Variants in NCOA1 observed in about 807,000 individuals in gnomAD.
The protein encoded by NCOA1 is Hin-2 protein.
Under a neutral mutation model 150.9 loss-of-function variants are expected in NCOA1, and 35 were observed. The ratio of observed to expected loss-of-function variants is 0.23; its 90% CI spans 0.18 to 0.31. The LOEUF is 0.31. NCOA1 is among the 10% of genes least tolerant of loss of function. The pLI, the probability that NCOA1 is intolerant of heterozygous loss-of-function variation, is 1.00. For synonymous variants in NCOA1, 590 were observed against 630.0 expected, an observed-to-expected ratio of 0.94 and a Z score of 0.95; for missense variants, 1,491 against 1,749.3, an observed-to-expected ratio of 0.85 and a Z score of 2.63.
chr2:24,529,495 T>G (rs145433422), intron 1 of NCOA1, among the ~76,000 whole-genome samples: 152 of 152,246 alleles, frequency 1.0e-3, no homozygotes, highest in African/African-American at 3.5e-3. Flanking sequence ...ACTTGGCTAA[T>G]TATTTATTGA....
intron 6 of NCOA1, among the ~76,000 whole-genome samples, chr2:24,666,911 C>G (rs1572564568): frequency 6.6e-6 from 1 of 152,240 alleles, no homozygotes; most frequent in East Asian, 1.9e-4. Flanking sequence ...CATCAAACTC[C>G]TTGGTTGCCT....
At chr2:24,615,419 G>C (rs2148395661) in intron 3 of NCOA1, among the ~76,000 whole-genome samples, 1 of 152,266 alleles carries the variant, frequency 6.6e-6, no homozygotes, top group East Asian at 1.9e-4. Flanking sequence ...ACATAAAATA[G>C]AACCTGTAAT....
At chr2:24,537,181 A>G (rs1401718673) in intron 1 of NCOA1, among the ~76,000 whole-genome samples, 1 of 152,056 alleles carries the variant, frequency 6.6e-6, no homozygotes, top group Non-Finnish European at 1.5e-5. Context: ...AATAGTCAAG[A>G]TACAGAAACA....
At chr2:24,694,300 G>A (rs1317942668) in intron 10 of NCOA1, among the ~76,000 whole-genome samples, 2 of 151,914 alleles carry the variant, frequency 1.3e-5, no homozygotes, top group Non-Finnish European at 2.9e-5. Context: ...ATGCTTTTAC[G>A]ACAACCAGAG....
At chr2:24,552,993 A>G (rs1488527607) in intron 1 of NCOA1, among the ~76,000 whole-genome samples, 1 of 152,174 alleles carries the variant, frequency 6.6e-6, no homozygotes, top group Non-Finnish European at 1.5e-5. Flanking sequence ...TCCTTCTTGC[A>G]TCACTGTACT....
At chr2:24,584,895 C>CT (rs1339627224) in intron 3 of NCOA1, among the ~76,000 whole-genome samples, 1 of 152,198 alleles carries the variant, frequency 6.6e-6, no homozygotes, top group East Asian at 1.9e-4. Flanking sequence ...TATTACAACT[C>CT]TATGAATTAG....
intron 3 of NCOA1, among the ~76,000 whole-genome samples, chr2:24,624,877 G>A (rs1669337098): frequency 6.6e-6 from 1 of 152,136 alleles, no homozygotes; most frequent in African/African-American, 2.4e-5. Context: ...TATGTGTAGA[G>A]AAGGGTTTGA....
intron 11 of NCOA1, among the ~76,000 whole-genome samples, chr2:24,698,216 G>GA (rs5829930): frequency 0.23 from 35,457 of 151,740 alleles, 4,288 homozygotes; most frequent in Non-Finnish European, 0.27. Flanking sequence ...AACCAAAGAA[G>GA]AAAAAAATTA....
intron 20 of NCOA1, among the ~76,000 whole-genome samples, chr2:24,756,517 A>G (rs912168277): frequency 1.3e-5 from 2 of 152,224 alleles, no homozygotes; most frequent in Non-Finnish European, 2.9e-5. Flanking sequence ...TCTACTGGAA[A>G]CTGTAAATGT....
At chr2:24,498,555 G>A (rs1351459671) in intron 1 of NCOA1, among the ~76,000 whole-genome samples, 1 of 152,142 alleles carries the variant, frequency 6.6e-6, no homozygotes, top group Non-Finnish European at 1.5e-5. Context: ...AAGCATTGAG[G>A]GCAGGGGATG....
intron 1 of NCOA1, among the ~76,000 whole-genome samples, chr2:24,528,160 C>G (rs1664727475): frequency 6.6e-6 from 1 of 151,936 alleles, no homozygotes; most frequent in African/African-American, 2.4e-5. Context: ...TGTGCAGGAG[C>G]TTTTTAGTTT....
chr2:24,613,978 C>T (rs1668752247), intron 3 of NCOA1, among the ~76,000 whole-genome samples: 1 of 151,994 alleles, frequency 6.6e-6, no homozygotes, highest in African/African-American at 2.4e-5. Context: ...TTGATGTTTG[C>T]CTTTGAAGGT....
rs141659423 is a variant in NCOA1, at chr2:24,767,728, C to G, written c.4156-493C>G. ...ACTAAAAAATCTTTTGGACATTAAC[C>G]TTAGATGCTGATGTCCTCTTATTGA... is the stretch of plus-strand genomic sequence containing the variant. On this transcript the variant is annotated intron_variant, in intron 22 of 22. Transcript: ENST00000348332. The G allele has an allele frequency of 3.7e-3, 745 of 200,974 alleles. 4 individuals are homozygous for G. Among genetic ancestry groups the G allele is most frequent in the African/African-American group, 0.016 (686 of 43,464 alleles). 12.4% of individuals were successfully genotyped at this position (200,974 alleles called of 1,614,324 possible).
chr2:24,728,000 T>C (rs1447105034), intron 15 of NCOA1, among the ~76,000 whole-genome samples: 1 of 152,278 alleles, frequency 6.6e-6, no homozygotes, highest in Admixed American at 6.5e-5. Flanking sequence ...ATTTTGTTTT[T>C]ACTTTTATTA....
At chr2:24,511,622 G>A (rs1199219517) in intron 1 of NCOA1, among the ~76,000 whole-genome samples, 2 of 151,500 alleles carry the variant, frequency 1.3e-5, no homozygotes, top group African/African-American at 4.9e-5. Context: ...CTGGATGCAA[G>A]TCCTTTATCA....
chr2:24,658,426 T>G (rs1671038549), intron 4 of NCOA1, among the ~76,000 whole-genome samples: 1 of 152,216 alleles, frequency 6.6e-6, no homozygotes, highest in South Asian at 2.1e-4. Context: ...GTTGTAACAA[T>G]TTCACAAAGG....
At chr2:24,523,328 C>T (rs578061543) in intron 1 of NCOA1, among the ~76,000 whole-genome samples, 5 of 152,144 alleles carry the variant, frequency 3.3e-5, no homozygotes, top group African/African-American at 4.8e-5. Flanking sequence ...GGCTTTTGGC[C>T]GGGAGCAGTG....
At chr2:24,516,943 C>CGTGTATATATACGTGTATATATACGT (rs1262908915) in intron 1 of NCOA1, among the ~76,000 whole-genome samples, 1 of 116,810 alleles carries the variant, frequency 8.6e-6, no homozygotes, top group African/African-American at 3.3e-5. Context: ...TATATATATA[C>CGTGTATATATACGTGTATATATACGT]GTATATATAC....
At chr2:24,532,690 C>A (rs1453571952) in intron 1 of NCOA1, among the ~76,000 whole-genome samples, 3 of 152,204 alleles carry the variant, frequency 2.0e-5, no homozygotes, top group Non-Finnish European at 2.9e-5. Context: ...GCTTTCCCAG[C>A]ACCATTTATT....
Sources: gnomAD v4.1 joint callset for allele counts (sites outside exome capture counted in the v4.1 genomes callset) on GRCh38, gnomAD v4.1.1 for gene constraint, MANE v1.5 for transcripts, NCBI Gene and HGNC (gene_info 2026-07-23, HGNC 2026-07-21) for gene names.